The following TRIP4 variants were observed in gnomAD, a reference collection of about 807,000 sequenced individuals.
TRIP4 encodes activating signal cointegrator 1.
In TRIP4, 54 loss-of-function variants were observed where a neutral mutation model predicts 81.8. The ratio of observed to expected loss-of-function variants is 0.66; its 90% CI spans 0.53 to 0.83. The LOEUF is 0.83. TRIP4 is among the 40% of genes least tolerant of loss of function. TRIP4 has a pLI of 0.00. For missense variants in TRIP4, 662 were observed against 683.6 expected (o/e 0.97, Z 0.35); for synonymous variants, 270 against 242.8 (o/e 1.11, Z -1.04).
chr15:64,449,055 A>T (rs1469200476), intron 12 of TRIP4, among the ~76,000 whole-genome samples: 2 of 151,878 alleles, frequency 1.3e-5, no homozygotes, highest in African/African-American at 4.8e-5. Flanking sequence ...ACAAAAAAAT[A>T]AAAAAAATTA....
intron 11 of TRIP4, among the ~76,000 whole-genome samples, chr15:64,427,139 T>C (rs1295875251): frequency 1.3e-5 from 2 of 152,170 alleles, no homozygotes; most frequent in Non-Finnish European, 2.9e-5. Flanking sequence ...CTAGCAGAAA[T>C]CCAAAACAGG....
intron 6 of TRIP4, among the ~76,000 whole-genome samples, chr15:64,409,410 T>A (rs1891709257): frequency 6.6e-6 from 1 of 152,020 alleles, no homozygotes; most frequent in Admixed American, 6.6e-5. Flanking sequence ...AGAAGGAAAA[T>A]GTATTATGGT....
Position 64,424,058 on chromosome 15 carries a change from C to G in TRIP4, c.1386C>G (p.Pro462=). 2 of 1,614,104 alleles carry G rather than the reference C, an allele frequency of 1.2e-6. No homozygotes were observed. The highest frequency in any genetic ancestry group is 1.7e-6 in the Non-Finnish European group (2 of 1,180,010). Reference sequence around the variant, plus strand: ...TGGAGGGCAGATCCTGGTACACCCCCCACAGAGGACGACTTTGGATAGCAG... The same window carrying G: ...TGGAGGGCAGATCCTGGTACACCCCGCACAGAGGACGACTTTGGATAGCAG... The part of the protein sequence containing the change: ...KRVEGRSWYT[P]HRGRLWIAAT... The change falls in exon 10 of 13, where the codon CCC becomes CCG. Residue 462 remains proline, a synonymous_variant. Coordinates refer to ENST00000261884, the MANE Select transcript of TRIP4 (RefSeq NM_016213.5).
chr15:64,445,136 C>T (rs751966667), intron 12 of TRIP4, 28 bp downstream of exon 12: 1 of 1,281,498 alleles, frequency 7.8e-7, no homozygotes, highest in Non-Finnish European at 1.1e-6. Context: ...TTCTTTAAGA[C>T]TAGTCAAGTG....
intron 11 of TRIP4, among the ~76,000 whole-genome samples, chr15:64,442,795 C>A (rs897234933): frequency 4.0e-5 from 6 of 151,678 alleles, no homozygotes; most frequent in African/African-American, 1.4e-4. Flanking sequence ...CAAGACCAGC[C>A]TGGCTAACAT....
chr15:64,408,074 G>A (rs928420394), intron 6 of TRIP4, among the ~76,000 whole-genome samples: 2 of 149,486 alleles, frequency 1.3e-5, no homozygotes, highest in Non-Finnish European at 3.0e-5. Context: ...TCCAGCCTGG[G>A]TGTCACAGCG....
At chr15:64,405,737 G>A (rs552049676) in intron 5 of TRIP4, among the ~76,000 whole-genome samples, 1 of 152,174 alleles carries the variant, frequency 6.6e-6, no homozygotes, top group African/African-American at 2.4e-5. Flanking sequence ...GATCATGTCT[G>A]GAATCCCAGT....
rs143671644 is a variant in TRIP4, at chr15:64,441,305, C to T, written c.1576-3701C>T. 3.7e-3 allele frequency among the ~76,000 whole-genome samples: 567 copies of T among 151,894 alleles called. 7 individuals are homozygous for T. The highest frequency in any genetic ancestry group is 0.013 in the African/African-American group (535 of 41,460). On this transcript the variant is annotated intron_variant, in intron 11 of 12. Transcript: ENST00000261884. ...GCCACTGCGCCCGGCCAATTCATTG[C>T]GTTTTTATTCAACAAGTATTTATTG...
At position 64,394,053 on chromosome 15, in the gene TRIP4, A is replaced by G. The variant is rs1900214048; in HGVS notation, c.209A>G (p.Lys70Arg). The change falls in exon 2 of 13, where the codon AAA (lysine) becomes AGA (arginine). Residue 70 changes from lysine (K) to arginine (R), a missense_variant. Transcript: ENST00000261884. ...CAATTCATAGAAGAACTTATAACCA[A>G]ATGGCAAAAGAATGATCAGGAGTTG... ...KGQFIEELITKWQKNDQELIS... is the reference protein window; with the variant it reads ...KGQFIEELITRWQKNDQELIS... The G allele has an allele frequency of 6.2e-7, 1 of 1,611,058 alleles. No homozygotes were observed. Among genetic ancestry groups the G allele is most frequent in the Non-Finnish European group, 8.5e-7 (1 of 1,178,696 alleles).
At chr15:64,391,010 G>C (rs909998765) in intron 1 of TRIP4, among the ~76,000 whole-genome samples, 1 of 152,162 alleles carries the variant, frequency 6.6e-6, no homozygotes, top group East Asian at 1.9e-4. Flanking sequence ...TCCACAACAG[G>C]CTATTATGCC....
intron 11 of TRIP4, among the ~76,000 whole-genome samples, chr15:64,431,847 A>ATATATATATATT: frequency 3.7e-4 from 44 of 119,554 alleles, no homozygotes; most frequent in Non-Finnish European, 3.3e-4. Context: ...ATATATATAT[A>ATATATATATATT]TTTTTTTTAT....
intron 11 of TRIP4, among the ~76,000 whole-genome samples, chr15:64,429,707 T>C (rs2140303818): frequency 6.6e-6 from 1 of 152,330 alleles, no homozygotes; most frequent in East Asian, 1.9e-4. Flanking sequence ...TAAGTATGCT[T>C]GATTTTTCTG....
intron 12 of TRIP4, among the ~76,000 whole-genome samples, chr15:64,447,029 G>A (rs1384748564): frequency 1.3e-5 from 2 of 152,122 alleles, no homozygotes; most frequent in Admixed American, 1.3e-4. Context: ...GCGTGAACCT[G>A]GGAGGCGGAG....
At chr15:64,411,688 T>TC (rs1891765672) in intron 7 of TRIP4, among the ~76,000 whole-genome samples, 1 of 151,248 alleles carries the variant, frequency 6.6e-6, no homozygotes, top group African/African-American at 2.4e-5. Context: ...GCATACTGTT[T>TC]TTTTTTTTTG....
chr15:64,448,625 G>C (rs1892685817), intron 12 of TRIP4, among the ~76,000 whole-genome samples: 1 of 151,980 alleles, frequency 6.6e-6, no homozygotes, highest in African/African-American at 2.4e-5. Context: ...CTCCATGCTT[G>C]GCTAATTTTT....
intron 11 of TRIP4, among the ~76,000 whole-genome samples, chr15:64,434,118 G>A (rs898389246): frequency 1.3e-5 from 2 of 152,152 alleles, no homozygotes; most frequent in East Asian, 3.9e-4. Flanking sequence ...AATTAAAAAG[G>A]GCTGGGCACA....
chr15:64,387,990 G>C (rs531966049), intron 1 of TRIP4, 26 bp downstream of exon 1: 1 of 1,540,270 alleles, frequency 6.5e-7, no homozygotes, highest in African/African-American at 1.4e-5. Flanking sequence ...GTCCAAGCGG[G>C]GAAGGAGCTC....
chr15:64,415,598 C>T (rs577769305), intron 8 of TRIP4, among the ~76,000 whole-genome samples: 1 of 152,126 alleles, frequency 6.6e-6, no homozygotes, highest in Non-Finnish European at 1.5e-5. Context: ...GGACTTCTTC[C>T]CCATGTGTGT....
chr15:64,453,362 CT>C (rs1377889785), intron 12 of TRIP4, among the ~76,000 whole-genome samples: 2 of 152,156 alleles, frequency 1.3e-5, no homozygotes, highest in Admixed American at 6.5e-5. Flanking sequence ...TTACTTAGTA[CT>C]GTCTATAATA....
Sources: allele counts gnomAD v4.1 joint callset (sites outside exome capture counted in the v4.1 genomes callset), GRCh38; gene constraint gnomAD v4.1.1; transcripts MANE v1.5; gene names NCBI Gene and HGNC (gene_info 2026-07-23, HGNC 2026-07-21).